Variants in CDC14A observed in about 807,000 individuals in gnomAD.
The protein encoded by CDC14A is cell division cycle 14A, also known as dual specificity protein phosphatase CDC14A.
A neutral mutation model predicts 74.4 loss-of-function variants in CDC14A; 53 were observed. The observed-to-expected ratio is 0.71, with a 90% CI of 0.57 to 0.89. The LOEUF (loss-of-function observed/expected upper bound fraction) is 0.89, where lower values mean the gene tolerates loss of function less well. Among genes scored for constraint, CDC14A ranks in the 40% least tolerant of loss-of-function variants. The pLI is 0.00. For synonymous variants in CDC14A, 247 were observed against 258.4 expected (o/e 0.96, Z 0.43); for missense variants, 646 against 713.7 (o/e 0.91, Z 1.08).
intron 4 of CDC14A, among the ~76,000 whole-genome samples, chr1:100,414,414 A>G (rs940301140): frequency 3.3e-5 from 5 of 152,254 alleles, no homozygotes; most frequent in Non-Finnish European, 7.3e-5. Context: ...TATAATTGCT[A>G]ACAGGTGTTA....
rs1491148182 is a variant in CDC14A, at chr1:100,412,723, T to TATATATA, written c.310-11499_310-11498insATATATA. Among the ~76,000 whole-genome samples the TATATATA allele has an allele frequency of 3.5e-4, 29 of 83,716 alleles. 2 individuals are homozygous for TATATATA. The highest frequency in any genetic ancestry group is 2.6e-3 in the African/African-American group (26 of 9,912). The allele number at this position is 83,716 out of a possible 152,430, so 54.9% of individuals were successfully genotyped here. Reference sequence around the variant, plus strand: ...ATATATATATATATATATATATATATTTTATATATATATATTTTATATATA... The same window carrying TATATATA: ...ATATATATATATATATATATATATATATATATATTTATATATATATATTTTATATATA... On this transcript the variant is annotated intron_variant, in intron 4 of 15. Coordinates refer to ENST00000336454, the MANE Select transcript of CDC14A (RefSeq NM_003672.4).
At chr1:100,483,507 GT>G (rs1437711717) in intron 10 of CDC14A, among the ~76,000 whole-genome samples, 1 of 151,978 alleles carries the variant, frequency 6.6e-6, no homozygotes, top group Admixed American at 6.6e-5. Context: ...AGTGTTTTTA[GT>G]TTAATTCTAT....
intron 15 of CDC14A, among the ~76,000 whole-genome samples, chr1:100,507,595 C>T (rs1403375131): frequency 3.9e-5 from 6 of 151,944 alleles, no homozygotes; most frequent in Admixed American, 6.6e-5. Flanking sequence ...CCACCACACC[C>T]GGCTCCACTA....
chr1:100,479,362 G>A (rs943036213), intron 10 of CDC14A, among the ~76,000 whole-genome samples: 1 of 152,002 alleles, frequency 6.6e-6, no homozygotes, highest in African/African-American at 2.4e-5. Flanking sequence ...CGAGATTTTA[G>A]TGCACCCATC....
intron 5 of CDC14A, among the ~76,000 whole-genome samples, chr1:100,427,976 C>T (rs1472008919): frequency 6.6e-6 from 1 of 152,108 alleles, no homozygotes; most frequent in African/African-American, 2.4e-5. Flanking sequence ...AACAGCAATT[C>T]AGGCACTGAT....
At chr1:100,428,040 A>T (rs1453371800) in intron 5 of CDC14A, among the ~76,000 whole-genome samples, 4 of 152,210 alleles carry the variant, frequency 2.6e-5, no homozygotes, top group African/African-American at 9.6e-5. Context: ...ATGGTATGTT[A>T]GGTAGTATAT....
intron 10 of CDC14A, among the ~76,000 whole-genome samples, chr1:100,482,277 T>C (rs1029249049): frequency 6.6e-6 from 1 of 152,212 alleles, no homozygotes; most frequent in Admixed American, 6.5e-5. Flanking sequence ...TTAAAAGGTC[T>C]TTCCTGTATT....
At chr1:100,490,455 C>T (rs939397094) in intron 11 of CDC14A, among the ~76,000 whole-genome samples, 2 of 152,074 alleles carry the variant, frequency 1.3e-5, no homozygotes, top group African/African-American at 4.8e-5. Context: ...TTAGTTTAGA[C>T]AAAAATAGTA....
intron 10 of CDC14A, among the ~76,000 whole-genome samples, chr1:100,482,766 A>ATC (rs71084823): frequency 3.3e-5 from 5 of 151,152 alleles, no homozygotes; most frequent in South Asian, 2.1e-4. Flanking sequence ...TTTTCAACCT[A>ATC]TCTCTCTCTC....
chr1:100,379,579 C>T (rs1191309644), intron 3 of CDC14A, among the ~76,000 whole-genome samples: 1 of 152,124 alleles, frequency 6.6e-6, no homozygotes, highest in Non-Finnish European at 1.5e-5. Context: ...ATCTTAGTTT[C>T]TTCATCTGTA....
chr1:100,489,374 A>G (rs892985598), intron 11 of CDC14A, among the ~76,000 whole-genome samples: 2 of 152,048 alleles, frequency 1.3e-5, no homozygotes, highest in Non-Finnish European at 2.9e-5. Flanking sequence ...CTAGTGTGCT[A>G]TATTCTATCT....
At chr1:100,442,471 A>C (rs1449330595) in intron 6 of CDC14A, among the ~76,000 whole-genome samples, 4 of 149,662 alleles carry the variant, frequency 2.7e-5, no homozygotes, top group Non-Finnish European at 5.9e-5. Flanking sequence ...AAAACAGTAA[A>C]AGATGCAGGG....
Position 100,510,117 on chromosome 1 carries a change from C to G in CDC14A, c.1756-8134C>G, listed in dbSNP as rs368466968. ...TACTCATATCGTTTTGTCCTCATCA[C>G]TGTTATCACCTCCCTTCATCCCTGG... is the stretch of plus-strand genomic sequence containing the variant. On this transcript the variant is annotated intron_variant, in intron 15 of 15. Transcript: ENST00000336454. Among the ~76,000 whole-genome samples the G allele has an allele frequency of 1.6e-4, 25 of 152,320 alleles. 1 individual carries two copies. The highest frequency in any genetic ancestry group is 9.1e-4 in the Admixed American group (14 of 15,304).
In CDC14A at chr1:100,362,349, A is replaced by G. The variant is rs182738616; in HGVS notation, c.140+8497A>G. On this transcript the variant is annotated intron_variant, in intron 2 of 15. Transcript: ENST00000336454. ...TTTCAAAGAATATTGCTTTTCTACA[A>G]TGAAGAAATTCAAACCTACAGTGCT... Among the ~76,000 whole-genome samples the G allele has an allele frequency of 1.5e-3, 225 of 152,300 alleles. 1 individual carries two copies. The highest frequency in any genetic ancestry group is 7.0e-4 in the African/African-American group (29 of 41,568).
chr1:100,404,832 A>AAAAACAAAACAAAAC (rs368610741), intron 4 of CDC14A, among the ~76,000 whole-genome samples: 1 of 121,566 alleles, frequency 8.2e-6, no homozygotes, highest in Non-Finnish European at 2.0e-5. Context: ...TCCGTCTCAA[A>AAAAACAAAACAAAAC]AAAACAAAAC....
At position 100,377,636 on chromosome 1, in the gene CDC14A, G is replaced by A. The variant is rs1360549423; in HGVS notation, c.216+15G>A. The A allele has an allele frequency of 6.3e-7, 1 of 1,577,832 alleles. No individual in the cohort carries two copies. ...AGAAACTAAAAGTGAGTATTGTAGT[G>A]ATATTTATAATTTGGAATTAAAACA... On this transcript the variant is annotated intron_variant, in intron 3 of 15. Coordinates refer to ENST00000336454, the MANE Select transcript of CDC14A (RefSeq NM_003672.4).
intron 5 of CDC14A, among the ~76,000 whole-genome samples, chr1:100,437,043 G>A (rs1038965163): frequency 6.6e-6 from 1 of 152,092 alleles, no homozygotes; most frequent in Non-Finnish European, 1.5e-5. Flanking sequence ...AAAACTAGCT[G>A]GGCATGGTGG....
chr1:100,517,302 G>C (rs114896186), intron 15 of CDC14A, among the ~76,000 whole-genome samples: 161 of 152,252 alleles, frequency 1.1e-3, no homozygotes, highest in African/African-American at 3.8e-3. Flanking sequence ...TAATTGACTA[G>C]ACCTGTTAAT....
intron 4 of CDC14A, among the ~76,000 whole-genome samples, chr1:100,397,810 A>C (rs1658732029): frequency 1.3e-5 from 2 of 152,182 alleles, no homozygotes; most frequent in African/African-American, 2.4e-5. Context: ...GGATTAACTG[A>C]GACTAGCCTG....
Sources: allele counts gnomAD v4.1 joint callset (sites outside exome capture counted in the v4.1 genomes callset), GRCh38; gene constraint gnomAD v4.1.1; transcripts MANE v1.5; gene names NCBI Gene and HGNC (gene_info 2026-07-23, HGNC 2026-07-21).